TAF2: variants seen among roughly 807,000 people sequenced by gnomAD.
The protein encoded by TAF2 is transcription initiation factor TFIID subunit 2.
Under a neutral mutation model 138.5 loss-of-function variants are expected in TAF2, and 61 were observed. The ratio of observed to expected loss-of-function variants is 0.44; its 90% confidence interval spans 0.36 to 0.54. TAF2 has a LOEUF of 0.54. TAF2 is among the 20% of genes least tolerant of loss of function. The pLI is 0.00. For synonymous variants in TAF2, 475 were observed against 469.9 expected (o/e 1.01, Z -0.14); for missense variants, 1,090 against 1,427.9 (o/e 0.76, Z 3.81).
intron 6 of TAF2, among the ~76,000 whole-genome samples, chr8:119,798,240 C>G (rs1205370787): frequency 6.6e-6 from 1 of 152,046 alleles, no homozygotes; most frequent in Non-Finnish European, 1.5e-5. Flanking sequence ...ATCTTATCAA[C>G]AGTTAATGTT....
chr8:119,758,136 C>T lies in TAF2; in HGVS notation c.2705G>A (p.Arg902Lys). 1 of 1,611,328 alleles carries T rather than the reference C, an allele frequency of 6.2e-7. No individual in the cohort carries two copies. Among genetic ancestry groups the T allele is most frequent in the East Asian group, 2.2e-5 (1 of 44,736 alleles). ...EAVVDYTKVD[R>K]SYEELQWLLN... The stretch of plus-strand genomic sequence containing the variant: ...TAGCCATTGCAGTTCTTCATAACTT[C>T]TGTCCACTGAAAATAAAAGAAAATA... Residue 902 changes from arginine to lysine, a missense_variant, in exon 21 of 26, where the codon AGA becomes AAA. Transcript: ENST00000378164.
chr8:119,789,527 T>C (rs1823270837), intron 12 of TAF2, 65 bp downstream of exon 12: 2 of 1,589,724 alleles, frequency 1.3e-6, no homozygotes, highest in African/African-American at 2.7e-5. Context: ...TCTTCTTCCA[T>C]CTTCCCCTTG....
rs907625585 is a variant in TAF2, at chr8:119,754,093, T to G, written c.2878+1913A>C. ...TATTTTAGTATAAACTGGTTTTATGTGTTATTTTCTAAAGACCCTGAGGAC... is the reference window on the plus strand; with the variant it reads ...TATTTTAGTATAAACTGGTTTTATGGGTTATTTTCTAAAGACCCTGAGGAC... On this transcript the variant is annotated intron_variant, in intron 22 of 25. Coordinates refer to ENST00000378164, the MANE Select transcript of TAF2 (RefSeq NM_003184.4). Among the ~76,000 whole-genome samples the G allele has an allele frequency of 2.6e-5, 4 of 152,152 alleles. No individual in the cohort carries two copies. The East Asian group carries it at 7.7e-4, about 29-fold the overall frequency.
chr8:119,805,607 C>A (rs747568505), intron 4 of TAF2, among the ~76,000 whole-genome samples: 1 of 151,702 alleles, frequency 6.6e-6, no homozygotes, highest in Non-Finnish European at 1.5e-5. Context: ...TCGGTGGCTG[C>A]GGCAGAAGAA....
At chr8:119,829,630 CCAAT>C (rs1405109816) in intron 2 of TAF2, among the ~76,000 whole-genome samples, 2 of 151,866 alleles carry the variant, frequency 1.3e-5, no homozygotes, top group Non-Finnish European at 2.9e-5. Context: ...CATACAACAT[CCAAT>C]CAAAGTTTCC....
intron 14 of TAF2, among the ~76,000 whole-genome samples, chr8:119,786,196 T>G (rs1823000319): frequency 6.6e-6 from 1 of 152,086 alleles, no homozygotes; most frequent in Admixed American, 6.5e-5. Context: ...AAGGGGTAAA[T>G]GAAGAATATA....
At chr8:119,751,506 G>C (rs1205110992) in intron 22 of TAF2, among the ~76,000 whole-genome samples, 1 of 152,122 alleles carries the variant, frequency 6.6e-6, no homozygotes, top group African/African-American at 2.4e-5. Context: ...ACCTCTCCAT[G>C]AACATTCTAG....
At chr8:119,795,506 T>C (rs772309898) in intron 9 of TAF2, 26 bp downstream of exon 9, 9 of 1,570,754 alleles carry the variant, frequency 5.7e-6, no homozygotes, top group Non-Finnish European at 7.9e-6. Context: ...GACTTGTAAG[T>C]GGATAAGGGA....
chr8:119,830,765 T>G (rs1826394833), intron 2 of TAF2, among the ~76,000 whole-genome samples: 1 of 152,194 alleles, frequency 6.6e-6, no homozygotes, highest in South Asian at 2.1e-4. Flanking sequence ...CATTAACATT[T>G]TAGCCTATGT....
At chr8:119,763,825 G>A (rs530918090) in intron 18 of TAF2, among the ~76,000 whole-genome samples, 13 of 151,872 alleles carry the variant, frequency 8.6e-5, no homozygotes, top group African/African-American at 3.1e-4. Context: ...CCGTACTCCA[G>A]CCTGGGTGAC....
At chr8:119,790,321 G>A (rs547512877) in intron 11 of TAF2, among the ~76,000 whole-genome samples, 27 of 151,992 alleles carry the variant, frequency 1.8e-4, no homozygotes, top group Admixed American at 5.3e-4. Context: ...TTGTAGTCCC[G>A]GCAACTCAGG....
intron 22 of TAF2, among the ~76,000 whole-genome samples, chr8:119,749,834 G>A (rs57984633): frequency 6.6e-5 from 10 of 152,012 alleles, no homozygotes; most frequent in African/African-American, 2.2e-4. Context: ...TTATGGCAAC[G>A]AATGATCACA....
chr8:119,755,539 A>G (rs926802928), intron 22 of TAF2, among the ~76,000 whole-genome samples: 9 of 152,164 alleles, frequency 5.9e-5, no homozygotes. Context: ...ATGAGATATC[A>G]TGATCTCCAC....
chr8:119,762,339 A>C, intron 19 of TAF2, 76 bp downstream of exon 19: 1 of 1,432,080 alleles, frequency 7.0e-7, no homozygotes, highest in South Asian at 1.3e-5. Flanking sequence ...TATATTTCCC[A>C]ATTTTCTATA....
At chr8:119,758,347 G>A (rs1820839441) in intron 20 of TAF2, among the ~76,000 whole-genome samples, 1 of 152,088 alleles carries the variant, frequency 6.6e-6, no homozygotes, top group African/African-American at 2.4e-5. Flanking sequence ...ATATATTAGA[G>A]CCAAGACATA....
intron 18 of TAF2, among the ~76,000 whole-genome samples, chr8:119,764,254 CAAG>C (rs1465044613): frequency 6.6e-6 from 1 of 152,128 alleles, no homozygotes; most frequent in Non-Finnish European, 1.5e-5. Context: ...ATGGAACACA[CAAG>C]AACTTATTAT....
rs373692442 is a variant in TAF2 at position 119,795,028 on chromosome 8, A to C, written c.1191+504T>G. ...CAACTGATGTTTTCTTTTTGGCCAA[A>C]TCTTTAAATCGTTAAAAAAAAAAAA... On this transcript the variant is annotated intron_variant, in intron 9 of 25. Transcript: ENST00000378164. Among the ~76,000 whole-genome samples the C allele has an allele frequency of 1.8e-4, 27 of 149,264 alleles. No individual in the cohort carries two copies. In the East Asian group the frequency reaches 4.6e-3, roughly 26 times the overall value.
chr8:119,774,385 C>T (rs1253469158), intron 18 of TAF2, among the ~76,000 whole-genome samples: 2 of 151,900 alleles, frequency 1.3e-5, no homozygotes, highest in Non-Finnish European at 2.9e-5. Context: ...GCTATTTACA[C>T]ACAAAGACTA....
intron 3 of TAF2, among the ~76,000 whole-genome samples, chr8:119,807,664 C>T (rs1824756783): frequency 1.3e-5 from 2 of 152,196 alleles, no homozygotes; most frequent in African/African-American, 2.4e-5. Flanking sequence ...GTGGCTCATG[C>T]CTGTAATCCC....
Sources: gnomAD v4.1 joint callset for allele counts (sites outside exome capture counted in the v4.1 genomes callset) on GRCh38, gnomAD v4.1.1 for gene constraint, MANE v1.5 for transcripts, NCBI Gene and HGNC (gene_info 2026-07-23, HGNC 2026-07-21) for gene names.